PAPPA: variants seen among roughly 807,000 people sequenced by gnomAD.
The protein encoded by PAPPA is pappalysin 1.
In PAPPA, 60 loss-of-function variants were observed where a neutral mutation model predicts 164.0. The ratio of observed to expected loss-of-function variants is 0.37; its 90% CI spans 0.30 to 0.45. The LOEUF is 0.45. PAPPA is among the 20% of genes least tolerant of loss of function. The pLI is 1.00. For missense variants in PAPPA, 1,782 were observed against 2,087.3 expected (o/e 0.85, Z 2.85); for synonymous variants, 875 against 814.1 (o/e 1.07, Z -1.27).
At chr9:116,191,766 G>A (rs1215473167) in intron 2 of PAPPA, among the ~76,000 whole-genome samples, 1 of 152,158 alleles carries the variant, frequency 6.6e-6, no homozygotes, top group Non-Finnish European at 1.5e-5. Context: ...CCATCAGTGA[G>A]GGTCCTAGCA....
chr9:116,188,458 T>C (rs1844005398), intron 2 of PAPPA, among the ~76,000 whole-genome samples: 1 of 152,206 alleles, frequency 6.6e-6, no homozygotes, highest in South Asian at 2.1e-4. Flanking sequence ...GAGCCCTGTT[T>C]TCTCAAAGAG....
intron 15 of PAPPA, among the ~76,000 whole-genome samples, chr9:116,349,958 C>G (rs903146482): frequency 4.6e-5 from 7 of 152,172 alleles, no homozygotes; most frequent in African/African-American, 7.2e-5. Context: ...TCAACAGGCT[C>G]TCTTCTAAAG....
chr9:116,300,662 C>G (rs1845569690), intron 9 of PAPPA, among the ~76,000 whole-genome samples: 1 of 152,188 alleles, frequency 6.6e-6, no homozygotes, highest in South Asian at 2.1e-4. Context: ...GTTCAGCATT[C>G]TGGTGCCCCT....
intron 7 of PAPPA, among the ~76,000 whole-genome samples, chr9:116,247,789 C>G (rs181372113): frequency 2.0e-5 from 3 of 152,224 alleles, no homozygotes; most frequent in East Asian, 3.9e-4. Context: ...TCTGTTAAAA[C>G]ACAACCTCAG....
intron 1 of PAPPA, among the ~76,000 whole-genome samples, chr9:116,165,530 T>G (rs916163307): frequency 6.6e-6 from 1 of 152,214 alleles, no homozygotes. Flanking sequence ...TTGCTGTGAC[T>G]ATTTCCTTAG....
chr9:116,215,942 A>T (rs1294370672), intron 4 of PAPPA, among the ~76,000 whole-genome samples: 2 of 116,026 alleles, frequency 1.7e-5, no homozygotes, highest in Non-Finnish European at 3.5e-5. Context: ...TTACATCCAT[A>T]TACAAACACA....
intron 6 of PAPPA, among the ~76,000 whole-genome samples, chr9:116,233,430 G>C (rs556186438): frequency 1.6e-3 from 244 of 152,304 alleles, no homozygotes; most frequent in Admixed American, 6.0e-3. Context: ...AAGAAGAAAG[G>C]CTTCAGCTAG....
At chr9:116,260,368 T>C (rs1031578368) in intron 7 of PAPPA, among the ~76,000 whole-genome samples, 1 of 152,228 alleles carries the variant, frequency 6.6e-6, no homozygotes, top group East Asian at 1.9e-4. Context: ...TAATAGCATG[T>C]ATAGTCTTTG....
At chr9:116,332,674 G>A in intron 12 of PAPPA, 1 of 488,384 alleles carries the variant, frequency 2.0e-6, no homozygotes, top group Admixed American at 3.3e-5. Flanking sequence ...ACAGGGATAA[G>A]GGGCCAATGG....
At chr9:116,306,813 C>T (rs890805830) in intron 10 of PAPPA, among the ~76,000 whole-genome samples, 1 of 152,166 alleles carries the variant, frequency 6.6e-6, no homozygotes, top group Non-Finnish European at 1.5e-5. Flanking sequence ...TCCAGCATTT[C>T]TACCAAAGTC....
chr9:116,229,182 C>T (rs548969044), intron 6 of PAPPA, among the ~76,000 whole-genome samples: 30 of 152,282 alleles, frequency 2.0e-4, no homozygotes, highest in Admixed American at 1.6e-3. Context: ...ACACTATTAA[C>T]GAGGTGCATC....
At chr9:116,276,516 G>C (rs1845200028) in intron 9 of PAPPA, among the ~76,000 whole-genome samples, 1 of 74,670 alleles carries the variant, frequency 1.3e-5, no homozygotes, top group Admixed American at 1.7e-4. Flanking sequence ...AAATTAGGGA[G>C]ACTGGACTGA....
chr9:116,343,985 C>T lies in PAPPA; in HGVS notation c.3612-558C>T, dbSNP rs529034259. ...GTTTTACCATGTTGGTCAGCCTGGT[C>T]TCAAACTCCTGACCTCGTGATCTGC... On this transcript the variant is annotated intron_variant, in intron 13 of 21. Transcript: ENST00000328252. Among the ~76,000 whole-genome samples the T allele has an allele frequency of 1.3e-4, 20 of 152,174 alleles. No homozygotes were observed. In the South Asian group the frequency reaches 3.9e-3, roughly 30 times the overall value.
chr9:116,191,255 T>C (rs1844039393), intron 2 of PAPPA, among the ~76,000 whole-genome samples: 1 of 152,098 alleles, frequency 6.6e-6, no homozygotes, highest in Non-Finnish European at 1.5e-5. Context: ...GAATGGTCCT[T>C]TTTGGGGAGG....
chr9:116,377,205 C>T (rs539529795), intron 19 of PAPPA, among the ~76,000 whole-genome samples: 1 of 149,314 alleles, frequency 6.7e-6, no homozygotes, highest in Admixed American at 6.6e-5. Flanking sequence ...CAAACACACA[C>T]ATGCGCACAC....
chr9:116,322,396 G>C (rs985077464), intron 10 of PAPPA, among the ~76,000 whole-genome samples: 1 of 137,996 alleles, frequency 7.2e-6, no homozygotes, highest in East Asian at 2.1e-4. Flanking sequence ...GGGTACAATA[G>C]GAAGACTTAG....
At chr9:116,212,229 A>C (rs1844317147) in intron 4 of PAPPA, among the ~76,000 whole-genome samples, 2 of 152,194 alleles carry the variant, frequency 1.3e-5, no homozygotes, top group Non-Finnish European at 2.9e-5. Context: ...GATAAGCATA[A>C]AACTCTCACA....
intron 1 of PAPPA, among the ~76,000 whole-genome samples, chr9:116,182,277 C>A (rs886534988): frequency 6.6e-6 from 1 of 152,078 alleles, no homozygotes. Flanking sequence ...GGGAAGTATC[C>A]CCCTGCTCCC....
chr9:116,341,015 AT>A (rs1846129667), intron 13 of PAPPA, among the ~76,000 whole-genome samples: 3 of 150,280 alleles, frequency 2.0e-5, no homozygotes, highest in Non-Finnish European at 4.4e-5. Flanking sequence ...CTCTTTTTTT[AT>A]TTTTATTTTT....
Sources: allele counts gnomAD v4.1 joint callset (sites outside exome capture counted in the v4.1 genomes callset), GRCh38; gene constraint gnomAD v4.1.1; transcripts MANE v1.5; gene names NCBI Gene and HGNC (gene_info 2026-07-23, HGNC 2026-07-21).